The following PI4KA variants were observed in gnomAD, a reference collection of about 807,000 sequenced individuals.
The protein encoded by PI4KA is phosphatidylinositol 4-kinase alpha, also known as PI4-kinase alpha.
A neutral mutation model predicts 271.4 loss-of-function variants in PI4KA; 122 were observed. The observed-to-expected ratio is 0.45, with a 90% CI of 0.39 to 0.52. PI4KA has a LOEUF of 0.52. Ranked by LOEUF, PI4KA falls within the 20% of genes least tolerant of loss-of-function variation. The pLI is 0.00. For synonymous variants in PI4KA, 1,041 were observed against 1,078.8 expected (o/e 0.96, Z 0.69); for missense variants, 1,969 against 2,769.1 (o/e 0.71, Z 6.48).
chr22:20,751,422 T>C (rs1454194988), intron 26 of PI4KA, 46 bp from the exon 27 acceptor site: 8 of 1,558,336 alleles, frequency 5.1e-6, no homozygotes, highest in Non-Finnish European at 7.1e-6. Flanking sequence ...CTTCCCCAAG[T>C]TGCCACTAGC....
chr22:20,848,886 A>G (rs1048352661), intron 1 of PI4KA, among the ~76,000 whole-genome samples: 5 of 152,208 alleles, frequency 3.3e-5, no homozygotes, highest in Non-Finnish European at 5.9e-5. Context: ...AACACCATGA[A>G]GAAAGTGAAA....
chr22:20,843,593 A>G (rs1198438484), intron 1 of PI4KA, among the ~76,000 whole-genome samples: 1 of 152,208 alleles, frequency 6.6e-6, no homozygotes, highest in Non-Finnish European at 1.5e-5. Flanking sequence ...CCTAAGGATC[A>G]CTGACAACTC....
At chr22:20,742,128 G>C (rs1929529665) in intron 32 of PI4KA, 100 bp downstream of exon 32, 1 of 1,234,586 alleles carries the variant, frequency 8.1e-7, no homozygotes, top group South Asian at 1.4e-5. Context: ...TGAGGGGCTT[G>C]CCCAGTGTCT....
intron 1 of PI4KA, among the ~76,000 whole-genome samples, chr22:20,858,313 C>T (rs1330722314): frequency 3.3e-5 from 5 of 152,096 alleles, no homozygotes; most frequent in Non-Finnish European, 7.4e-5. Flanking sequence ...CTCACATCCC[C>T]CACCCCCATC....
At chr22:20,751,634 C>T (rs773978504) in intron 26 of PI4KA, 40 bp downstream of exon 26, 15 of 1,511,230 alleles carry the variant, frequency 9.9e-6, no homozygotes, top group East Asian at 6.8e-5. Context: ...GGTGGTAGAG[C>T]GGGTGGTGTT....
At chr22:20,766,972 C>T (rs986367486) in intron 19 of PI4KA, among the ~76,000 whole-genome samples, 8 of 152,168 alleles carry the variant, frequency 5.3e-5, no homozygotes, top group African/African-American at 1.7e-4. Flanking sequence ...TGGTAATATG[C>T]ATCAGAAATT....
chr22:20,796,304 G>A lies in PI4KA; in HGVS notation c.2119C>T (p.Leu707=). The A allele has an allele frequency of 1.2e-6, 2 of 1,613,572 alleles. No individual in the cohort carries two copies. Among genetic ancestry groups the A allele is most frequent in the Non-Finnish European group, 1.7e-6 (2 of 1,179,754 alleles). ...TTGGCCAGGGCATTAATCACTGCCA[G>A]GGAGCAATGCCTGAAGAAGAAGGAG... is the stretch of plus-strand genomic sequence containing the variant. ...YKDHGYRHCS[L]AVINALANIA... The change falls in exon 18 of 55, where the codon CTG becomes TTG. Residue 707 remains leucine (L), a synonymous_variant. Transcript: ENST00000255882.
intron 1 of PI4KA, among the ~76,000 whole-genome samples, chr22:20,846,263 CAAAAAAA>C (rs361641): frequency 1.2e-4 from 10 of 82,098 alleles, no homozygotes; most frequent in East Asian, 3.1e-4. Context: ...GACTCTATCT[CAAAAAAA>C]AAAAAAAAAA....
chr22:20,843,541 G>C (rs178060), intron 1 of PI4KA, among the ~76,000 whole-genome samples: 74,099 of 151,964 alleles, frequency 0.49, 18,581 homozygotes, highest in African/African-American at 0.59. Flanking sequence ...AGAATATACC[G>C]AAGTTCATGT....
intron 5 of PI4KA, 106 bp downstream of exon 5, chr22:20,820,433 C>T: frequency 1.3e-6 from 1 of 755,338 alleles, no homozygotes; most frequent in Non-Finnish European, 2.3e-6. Context: ...GGAAGGTTTT[C>T]TCCCATCATA....
At chr22:20,804,839 C>G in intron 11 of PI4KA, 135 bp downstream of exon 11, 1 of 716,700 alleles carries the variant, frequency 1.4e-6, no homozygotes, top group Non-Finnish European at 2.4e-6. Context: ...TCTGCACGTG[C>G]CCAGGAGGCC....
In PI4KA at chr22:20,803,302, C is replaced by A; in HGVS notation, c.1480G>T (p.Glu494Ter). 1 of 1,614,078 alleles carries A rather than the reference C, an allele frequency of 6.2e-7. No individual in the cohort carries two copies. The highest frequency in any genetic ancestry group is 8.5e-7 in the Non-Finnish European group (1 of 1,179,972). Residue 494 changes from glutamate (E) to a stop codon, truncating the protein, a stop_gained, in exon 13 of 55, where the codon GAG becomes TAG. Coordinates refer to ENST00000255882, the MANE Select transcript of PI4KA (RefSeq NM_058004.4). LOFTEE classifies it high-confidence loss of function. ...CCLQGLGRLC[E>*]RFPVVVHSVT... ...GAGTGCACCACCACCGGGAACCTCTCGCACAGGCGGCCCAAACCCTGCAAC... is the reference window on the plus strand; with the variant it reads ...GAGTGCACCACCACCGGGAACCTCTAGCACAGGCGGCCCAAACCCTGCAAC...
At chr22:20,758,751 C>T (rs954944125) in intron 23 of PI4KA, among the ~76,000 whole-genome samples, 1 of 152,132 alleles carries the variant, frequency 6.6e-6, no homozygotes, top group African/African-American at 2.4e-5. Flanking sequence ...GCCCCCACCC[C>T]GCCCTGTGTC....
At chr22:20,839,802 A>T (rs1365379004) in intron 1 of PI4KA, among the ~76,000 whole-genome samples, 1 of 150,808 alleles carries the variant, frequency 6.6e-6, no homozygotes, top group African/African-American at 2.5e-5. Flanking sequence ...TGCACTCTCC[A>T]GCCTGGGCGA....
chr22:20,763,687 G>A (rs553870814), intron 22 of PI4KA, among the ~76,000 whole-genome samples: 4 of 152,132 alleles, frequency 2.6e-5, no homozygotes, highest in African/African-American at 9.7e-5. Context: ...TGATCCACTC[G>A]CCTTGGCCTC....
intron 43 of PI4KA, 121 bp downstream of exon 43, chr22:20,721,177 G>T: frequency 2.1e-6 from 2 of 966,014 alleles, no homozygotes; most frequent in Non-Finnish European, 3.3e-6. Context: ...GCAAAGGGTG[G>T]GAGTGGAGGG....
At chr22:20,828,357 G>C (rs1309936467) in intron 3 of PI4KA, among the ~76,000 whole-genome samples, 1 of 152,050 alleles carries the variant, frequency 6.6e-6, no homozygotes, top group African/African-American at 2.4e-5. Flanking sequence ...TCTTTCTCTT[G>C]CCTGATTGCT....
intron 19 of PI4KA, 78 bp downstream of exon 19, chr22:20,793,115 T>C: frequency 1.1e-6 from 1 of 883,510 alleles, no homozygotes. Context: ...CTAAGGAATT[T>C]ACTGTGCGTC....
chr22:20,794,474 C>G (rs1934861171), intron 18 of PI4KA, among the ~76,000 whole-genome samples: 1 of 152,150 alleles, frequency 6.6e-6, no homozygotes, highest in Non-Finnish European at 1.5e-5. Flanking sequence ...AGCTGTGTAC[C>G]CCACTGGGAG....
Sources: gnomAD v4.1 joint callset for allele counts (sites outside exome capture counted in the v4.1 genomes callset) on GRCh38, gnomAD v4.1.1 for gene constraint, MANE v1.5 for transcripts, NCBI Gene and HGNC (gene_info 2026-07-23, HGNC 2026-07-21) for gene names.